The following CDYL variants were observed in gnomAD, a reference collection of about 807,000 sequenced individuals.
The protein encoded by CDYL is chromodomain Y-like protein.
Under a neutral mutation model 47.3 loss-of-function variants are expected in CDYL, and 8 were observed. That is an observed-to-expected ratio of 0.17 (90% confidence interval 0.10 to 0.31). CDYL has a LOEUF of 0.31. Ranked by LOEUF, CDYL falls within the 10% of genes least tolerant of loss-of-function variation. The pLI, the probability that CDYL is intolerant of heterozygous loss-of-function variation, is 1.00. For missense variants in CDYL, 471 were observed against 701.4 expected (o/e 0.67, Z 3.71); for synonymous variants, 266 against 265.0 (o/e 1.00, Z -0.04).
intron 1 of CDYL, among the ~76,000 whole-genome samples, chr6:4,850,496 T>TA (rs781578202): frequency 3.5e-4 from 53 of 152,368 alleles, no homozygotes; most frequent in Middle Eastern, 3.4e-3. Context: ...TGGGGCTATT[T>TA]AAACTAGTAA....
intron 2 of CDYL, among the ~76,000 whole-genome samples, chr6:4,732,059 G>A (rs954391592): frequency 6.6e-6 from 1 of 152,136 alleles, no homozygotes; most frequent in Non-Finnish European, 1.5e-5. Flanking sequence ...AAATGACTGG[G>A]CATGGTGGTC....
intron 1 of CDYL, among the ~76,000 whole-genome samples, chr6:4,825,126 C>T (rs1759945000): frequency 6.6e-6 from 1 of 152,170 alleles, no homozygotes; most frequent in East Asian, 1.9e-4. Flanking sequence ...CAGCCTCGGC[C>T]TCCCAAAGTG....
chr6:4,905,408 CCTCAGCTG>C (rs1288435601), intron 2 of CDYL, among the ~76,000 whole-genome samples: 1 of 152,192 alleles, frequency 6.6e-6, no homozygotes, highest in African/African-American at 2.4e-5. Context: ...TGAACTGTCT[CCTCAGCTG>C]CTCAGCTGAT....
chr6:4,767,167 TTAAAAA>T (rs1758266964), intron 3 of CDYL, among the ~76,000 whole-genome samples: 1 of 151,670 alleles, frequency 6.6e-6, no homozygotes, highest in African/African-American at 2.4e-5. Context: ...TGGCTTAAAA[TTAAAAA>T]TAAATATGTC....
At chr6:4,871,957 CTG>C (rs921277623) in intron 1 of CDYL, among the ~76,000 whole-genome samples, 1 of 152,164 alleles carries the variant, frequency 6.6e-6, no homozygotes, top group African/African-American at 2.4e-5. Context: ...CCCAGGATCT[CTG>C]TGCAGGAGTT....
At chr6:4,756,561 A>G (rs2127421507) in intron 3 of CDYL, among the ~76,000 whole-genome samples, 1 of 143,668 alleles carries the variant, frequency 7.0e-6, no homozygotes, top group African/African-American at 2.8e-5. Flanking sequence ...TAATTGTAGT[A>G]ATTAAAATTA....
chr6:4,709,447 C>CG (rs1333437125), intron 1 of CDYL, among the ~76,000 whole-genome samples: 6 of 152,184 alleles, frequency 3.9e-5, no homozygotes, highest in Admixed American at 3.9e-4. Context: ...CCGCCTGCCT[C>CG]GGCTTCCCAA....
intron 3 of CDYL, among the ~76,000 whole-genome samples, chr6:4,762,064 T>A (rs1024001423): frequency 5.3e-5 from 8 of 152,184 alleles, no homozygotes; most frequent in Non-Finnish European, 1.0e-4. Context: ...AACAACATGC[T>A]GAGTTATGAT....
At chr6:4,837,206 A>T (rs1022704303) in intron 1 of CDYL, among the ~76,000 whole-genome samples, 1 of 152,244 alleles carries the variant, frequency 6.6e-6, no homozygotes, top group Non-Finnish European at 1.5e-5. Flanking sequence ...TTCTGTGTAC[A>T]TTCCTCACAG....
chr6:4,880,942 G>A (rs1240983103), intron 1 of CDYL, among the ~76,000 whole-genome samples: 1 of 152,102 alleles, frequency 6.6e-6, no homozygotes, highest in African/African-American at 2.4e-5. Flanking sequence ...ATATTTTCTT[G>A]CAGTTTGTGG....
In CDYL at chr6:4,954,203, T is replaced by G; in HGVS notation, c.*147T>G. 1.4e-6 allele frequency: 1 copy of G among 712,782 alleles called. No homozygotes were observed. The allele number at this position is 712,782 out of a possible 1,614,324, so 44.2% of individuals were successfully genotyped here. On this transcript the variant is annotated 3_prime_UTR_variant, in exon 7 of 7. Transcript: ENST00000397588. ...CAGGACTGGGAACATCCACGCTATT[T>G]ATTATCGAGGAGTTTTAAAGTACTG...
chr6:4,723,590 C>G (rs1026982688), intron 2 of CDYL, among the ~76,000 whole-genome samples: 1 of 152,156 alleles, frequency 6.6e-6, no homozygotes, highest in Non-Finnish European at 1.5e-5. Flanking sequence ...CAGCAGGAGG[C>G]GGCAAGCCCT....
In CDYL at chr6:4,891,924, C is replaced by T; in HGVS notation, c.236C>T (p.Ala79Val). The change falls in exon 2 of 7, where the codon GCT (alanine) becomes GTT (valine). Residue 79 changes from alanine to valine, a missense_variant. Physicochemically the swap from Ala to Val is moderately conservative, Grantham distance 64. This residue lies in a region of CDYL where 311 missense variants were observed against 350.0 expected (regional missense o/e 0.89). Transcript: ENST00000397588. ...TRTNRTSPNN[A>V]RKQISRSTNS... Reference sequence around the variant, plus strand: ...ACAAACAGGACCTCTCCCAACAATGCTAGGAAACAAATCTCCAGATCCACC... The same window carrying T: ...ACAAACAGGACCTCTCCCAACAATGTTAGGAAACAAATCTCCAGATCCACC... 4.3e-6 allele frequency: 7 copies of T among 1,614,100 alleles called. No individual in the cohort carries two copies. The highest frequency in any genetic ancestry group is 5.9e-6 in the Non-Finnish European group (7 of 1,180,020).
chr6:4,727,487 A>G (rs1288970436), intron 2 of CDYL, among the ~76,000 whole-genome samples: 1 of 152,064 alleles, frequency 6.6e-6, no homozygotes, highest in African/African-American at 2.4e-5. Context: ...GAAAACTACC[A>G]AGTCATCTCT....
intron 1 of CDYL, among the ~76,000 whole-genome samples, chr6:4,876,152 A>G (rs1030698780): frequency 2.0e-5 from 3 of 152,154 alleles, no homozygotes; most frequent in Non-Finnish European, 4.4e-5. Context: ...GTTGTTGTTT[A>G]TACAGTAGTT....
chr6:4,914,834 G>A (rs996916508), intron 2 of CDYL, among the ~76,000 whole-genome samples: 1 of 152,220 alleles, frequency 6.6e-6, no homozygotes, highest in Non-Finnish European at 1.5e-5. Flanking sequence ...GCCCGGCACG[G>A]TACCACAGTG....
intron 1 of CDYL, among the ~76,000 whole-genome samples, chr6:4,888,341 G>A (rs1397976993): frequency 6.6e-6 from 1 of 151,804 alleles, no homozygotes; most frequent in South Asian, 2.1e-4. Context: ...TCTTATATAG[G>A]CCTGTTTAGA....
intron 2 of CDYL, among the ~76,000 whole-genome samples, chr6:4,895,045 A>G (rs980387943): frequency 2.7e-5 from 4 of 150,164 alleles, no homozygotes; most frequent in Non-Finnish European, 4.4e-5. Flanking sequence ...ATGTATCTAT[A>G]TACACATGTA....
chr6:4,758,432 G>A (rs1165200808), intron 3 of CDYL, among the ~76,000 whole-genome samples: 3 of 146,068 alleles, frequency 2.1e-5, no homozygotes, highest in African/African-American at 5.1e-5. Context: ...AGGCAGAGAC[G>A]GGTGGATCAC....
Sources: gnomAD v4.1 joint callset for allele counts (sites outside exome capture counted in the v4.1 genomes callset) on GRCh38, gnomAD v4.1.1 for gene constraint, gnomAD v4.1.1 regional missense constraint, MANE v1.5 for transcripts, NCBI Gene and HGNC (gene_info 2026-07-23, HGNC 2026-07-21) for gene names.